WDPCP: variants seen among roughly 807,000 people sequenced by gnomAD.
WDPCP encodes WD repeat-containing and planar cell polarity effector protein fritz homolog.
A neutral mutation model predicts 93.1 loss-of-function variants in WDPCP; 71 were observed. The ratio of observed to expected loss-of-function variants is 0.76; its 90% CI spans 0.63 to 0.93. WDPCP has a LOEUF of 0.93. Ranked by LOEUF, WDPCP falls within the 40% of genes least tolerant of loss-of-function variation. WDPCP has a pLI of 0.00. For synonymous variants in WDPCP, 315 were observed against 315.0 expected, an observed-to-expected ratio of 1.00 and a Z score of 0.00; for missense variants, 844 against 887.4, an observed-to-expected ratio of 0.95 and a Z score of 0.62.
chr2:63,372,678 C>A (rs1046038652), intron 12 of WDPCP, among the ~76,000 whole-genome samples: 2 of 152,056 alleles, frequency 1.3e-5, no homozygotes. Context: ...AGTTAAAATT[C>A]TTTAACTATT....
intron 10 of WDPCP, among the ~76,000 whole-genome samples, chr2:63,393,402 G>A (rs1419244308): frequency 1.3e-5 from 2 of 151,998 alleles, no homozygotes; most frequent in Admixed American, 6.6e-5. Flanking sequence ...GGGGGCTAGG[G>A]GAGGGATAGC....
intron 1 of WDPCP, among the ~76,000 whole-genome samples, chr2:63,537,269 G>A (rs766773209): frequency 5.3e-5 from 8 of 152,034 alleles, no homozygotes; most frequent in Admixed American, 1.3e-4. Context: ...AATACATCTA[G>A]TTTTCTTCAT....
chr2:63,667,168 A>G (rs1366340039), intron 2 of WDPCP, among the ~76,000 whole-genome samples: 2 of 152,234 alleles, frequency 1.3e-5, no homozygotes, highest in Non-Finnish European at 2.9e-5. Context: ...AACTGTTATG[A>G]AAATGTGTGG....
chr2:63,123,897 C>G (rs1206631710), intron 17 of WDPCP, among the ~76,000 whole-genome samples: 2 of 141,054 alleles, frequency 1.4e-5, no homozygotes, highest in African/African-American at 5.9e-5. Flanking sequence ...AATTCTGTAT[C>G]TTTTCTTTTC....
intron 1 of WDPCP, among the ~76,000 whole-genome samples, chr2:63,827,155 A>C (rs931955151): frequency 1.3e-5 from 2 of 152,036 alleles, no homozygotes; most frequent in Admixed American, 1.3e-4. Context: ...CAATAAACCC[A>C]AAAAAATGAG....
At chr2:63,550,624 A>G (rs11676682) in intron 1 of WDPCP, among the ~76,000 whole-genome samples, 37,831 of 151,782 alleles carry the variant, frequency 0.25, 5,732 homozygotes, top group East Asian at 0.71. Context: ...TTGGGTGATC[A>G]TATCTGCTTC....
chr2:63,760,659 AC>A (rs1670043524), intron 2 of WDPCP, among the ~76,000 whole-genome samples: 3 of 151,966 alleles, frequency 2.0e-5, no homozygotes, highest in African/African-American at 7.3e-5. Context: ...TTTCCTTCTT[AC>A]CTTTTCCAAA....
At chr2:63,665,987 C>T (rs538383808) in intron 2 of WDPCP, among the ~76,000 whole-genome samples, 1 of 152,340 alleles carries the variant, frequency 6.6e-6, no homozygotes, top group East Asian at 1.9e-4. Context: ...AAGTCAACAA[C>T]TGATTTTGGG....
At chr2:63,297,280 G>A (rs1575084997) in intron 13 of WDPCP, among the ~76,000 whole-genome samples, 1 of 152,182 alleles carries the variant, frequency 6.6e-6, no homozygotes, top group East Asian at 1.9e-4. Context: ...TGCATTCCAA[G>A]GGGTGGGCTG....
chr2:63,588,128 A>G (rs1708999875), intron 1 of WDPCP, 69 bp downstream of exon 1: 2 of 1,525,132 alleles, frequency 1.3e-6, no homozygotes, highest in African/African-American at 1.4e-5. Flanking sequence ...GCAAAGCGGG[A>G]CGGCGCACCA....
the WDPCP span, among the ~76,000 whole-genome samples, chr2:63,836,696 TAC>T: frequency 6.6e-6 from 1 of 152,164 alleles, no homozygotes; most frequent in Admixed American, 6.5e-5. Context: ...AATTTGGAGA[TAC>T]AGTTTTGCAC....
intron 2 of WDPCP, among the ~76,000 whole-genome samples, chr2:63,653,244 A>G (rs972304932): frequency 1.3e-5 from 2 of 152,186 alleles, no homozygotes; most frequent in Admixed American, 6.5e-5. Context: ...CATGTAAAGG[A>G]GGAAACTTTA....
intron 15 of WDPCP, among the ~76,000 whole-genome samples, chr2:63,162,299 C>G (rs949588673): frequency 6.6e-6 from 1 of 151,710 alleles, no homozygotes; most frequent in Admixed American, 6.6e-5. Flanking sequence ...TTGATAAATT[C>G]ATTTGCAGTT....
intron 2 of WDPCP, among the ~76,000 whole-genome samples, chr2:63,771,263 A>G (rs1198507294): frequency 6.6e-6 from 1 of 151,894 alleles, no homozygotes; most frequent in Non-Finnish European, 1.5e-5. Context: ...AAAATATTAT[A>G]AACATCTTTA....
intron 13 of WDPCP, among the ~76,000 whole-genome samples, chr2:63,288,326 G>A (rs207461820): frequency 6.6e-6 from 1 of 152,204 alleles, no homozygotes; most frequent in Non-Finnish European, 1.5e-5. Context: ...AAAATGAGTA[G>A]CTTTTATGGC....
chr2:63,494,868 C>T (rs372842073), intron 1 of WDPCP, among the ~76,000 whole-genome samples: 1 of 145,876 alleles, frequency 6.9e-6, no homozygotes, highest in Non-Finnish European at 1.5e-5. Flanking sequence ...TGCAGTGAGC[C>T]GAGATCGCGC....
At chr2:63,240,990 G>A (rs1461098612) in intron 14 of WDPCP, among the ~76,000 whole-genome samples, 1 of 152,106 alleles carries the variant, frequency 6.6e-6, no homozygotes, top group African/African-American at 2.4e-5. Flanking sequence ...ATTATGGAAA[G>A]TTTCCATCTG....
At chr2:63,241,635 G>T (rs1030680035) in intron 14 of WDPCP, among the ~76,000 whole-genome samples, 2 of 152,256 alleles carry the variant, frequency 1.3e-5, no homozygotes, top group African/African-American at 2.4e-5. Context: ...GTCTTGCTCT[G>T]TAGTCAAGGC....
chr2:63,734,529 A>AG (rs1251435826), intron 2 of WDPCP, among the ~76,000 whole-genome samples: 2 of 152,226 alleles, frequency 1.3e-5, no homozygotes, highest in African/African-American at 4.8e-5. Context: ...GACTTTTCTC[A>AG]GTGCCCCACA....
Sources: allele counts gnomAD v4.1 joint callset (sites outside exome capture counted in the v4.1 genomes callset), GRCh38; gene constraint gnomAD v4.1.1; transcripts MANE v1.5; gene names NCBI Gene and HGNC (gene_info 2026-07-23, HGNC 2026-07-21).